DLGAP2: variants seen among roughly 807,000 people sequenced by gnomAD.
The protein encoded by DLGAP2 is disks large-associated protein 2.
A neutral mutation model predicts 100.3 loss-of-function variants in DLGAP2; 26 were observed. That is an observed-to-expected ratio of 0.26 (90% CI 0.19 to 0.36). The LOEUF (loss-of-function observed/expected upper bound fraction) is 0.36. Ranked by LOEUF, DLGAP2 falls within the 10% of genes least tolerant of loss-of-function variation. The pLI is 1.00. For missense variants in DLGAP2, 1,858 were observed against 1,453.2 expected (o/e 1.28, Z -4.53); for synonymous variants, 886 against 630.1 (o/e 1.41, Z -6.08).
intron 1 of DLGAP2, among the ~76,000 whole-genome samples, chr8:826,552 T>C (rs988661192): frequency 6.6e-6 from 1 of 152,166 alleles, no homozygotes; most frequent in African/African-American, 2.4e-5. Flanking sequence ...TTTTGGGTGC[T>C]GGGTATTTTG....
At chr8:955,962 C>A (rs1361045178) in intron 2 of DLGAP2, among the ~76,000 whole-genome samples, 2 of 152,076 alleles carry the variant, frequency 1.3e-5, no homozygotes, top group Admixed American at 6.6e-5. Flanking sequence ...TTGGCTTTAA[C>A]CTTTTGGGCC....
chr8:1,409,254 C>G (rs72507644), intron 3 of DLGAP2, among the ~76,000 whole-genome samples: 1 of 149,510 alleles, frequency 6.7e-6, no homozygotes, highest in Non-Finnish European at 1.5e-5. Flanking sequence ...GCAGCCCTGG[C>G]CCTGAGCACA....
intron 2 of DLGAP2, among the ~76,000 whole-genome samples, chr8:949,611 C>G (rs554158139): frequency 3.0e-4 from 46 of 152,362 alleles, no homozygotes; most frequent in African/African-American, 8.2e-4. Context: ...GGCCTCCCCG[C>G]TGCAGCTTCC....
At chr8:1,302,207 CTG>C (rs1239596734) in intron 3 of DLGAP2, 1 of 150,472 alleles carries the variant, frequency 6.6e-6, no homozygotes, top group Non-Finnish European at 1.5e-5. Context: ...TCGGAATTTT[CTG>C]TGAGTTCCCG....
chr8:1,083,032 C>G (rs910472695), intron 2 of DLGAP2, among the ~76,000 whole-genome samples: 1 of 152,110 alleles, frequency 6.6e-6, no homozygotes, highest in African/African-American at 2.4e-5. Flanking sequence ...CAGTTAATTA[C>G]TTAGTTATAA....
chr8:809,969 G>A (rs928671078), intron 1 of DLGAP2, among the ~76,000 whole-genome samples: 2 of 152,174 alleles, frequency 1.3e-5, no homozygotes, highest in East Asian at 3.9e-4. Flanking sequence ...CCTGGACTGC[G>A]GTCAAGGCCC....
chr8:1,023,857 A>ATATGTGTGTGTGTGTG (rs772678610), intron 2 of DLGAP2, among the ~76,000 whole-genome samples: 1 of 128,836 alleles, frequency 7.8e-6, no homozygotes, highest in Non-Finnish European at 1.6e-5. Flanking sequence ...AACTTTATAT[A>ATATGTGTGTGTGTGTG]TGTGTGTGTG....
At chr8:1,551,355 G>A (rs1488892209) in intron 5 of DLGAP2, among the ~76,000 whole-genome samples, 2 of 152,092 alleles carry the variant, frequency 1.3e-5, no homozygotes, top group African/African-American at 4.8e-5. Context: ...TGCCTGGTGT[G>A]GATAGTCAGT....
chr8:1,345,813 A>C (rs897513905), intron 3 of DLGAP2, among the ~76,000 whole-genome samples: 1 of 152,318 alleles, frequency 6.6e-6, no homozygotes, highest in Non-Finnish European at 1.5e-5. Context: ...CACCTACCTC[A>C]GCATTGTTGT....
chr8:876,067 G>A (rs1024252960), intron 1 of DLGAP2, among the ~76,000 whole-genome samples: 13 of 152,230 alleles, frequency 8.5e-5, no homozygotes, highest in Admixed American at 4.6e-4. Context: ...TCTTCGTGCT[G>A]TTATTGACAA....
intron 1 of DLGAP2, among the ~76,000 whole-genome samples, chr8:838,487 T>A (rs1386253696): frequency 6.6e-6 from 1 of 152,064 alleles, no homozygotes; most frequent in Non-Finnish European, 1.5e-5. Flanking sequence ...TACTGTACAT[T>A]GATAATATAT....
chr8:1,224,670 A>G (rs980459867), intron 2 of DLGAP2, among the ~76,000 whole-genome samples: 1 of 152,250 alleles, frequency 6.6e-6, no homozygotes, highest in African/African-American at 2.4e-5. Flanking sequence ...GAAAAGAGAG[A>G]TTACTACTAA....
At chr8:1,645,311 C>T (rs1798015586) in intron 8 of DLGAP2, among the ~76,000 whole-genome samples, 1 of 152,188 alleles carries the variant, frequency 6.6e-6, no homozygotes, top group African/African-American at 2.4e-5. Context: ...GTACAGTGTT[C>T]CATGAATTCG....
chr8:1,323,402 G>A (rs774443585), intron 3 of DLGAP2, among the ~76,000 whole-genome samples: 8 of 152,186 alleles, frequency 5.3e-5, no homozygotes, highest in African/African-American at 1.4e-4. Context: ...TGGTTAAACC[G>A]CTTCTGGCTT....
intron 3 of DLGAP2, among the ~76,000 whole-genome samples, chr8:1,281,331 C>T (rs905259349): frequency 3.3e-5 from 5 of 152,280 alleles, no homozygotes; most frequent in South Asian, 2.1e-4. Flanking sequence ...CCCTCGCTCC[C>T]GGCGAAGGCA....
At chr8:1,192,180 G>A (rs1316601531) in intron 2 of DLGAP2, among the ~76,000 whole-genome samples, 3 of 152,170 alleles carry the variant, frequency 2.0e-5, no homozygotes, top group Non-Finnish European at 4.4e-5. Flanking sequence ...GGGTGGGGCT[G>A]TCCAGATGCT....
At chr8:1,017,406 T>A (rs533923209) in intron 2 of DLGAP2, among the ~76,000 whole-genome samples, 2 of 29,220 alleles carry the variant, frequency 6.8e-5, no homozygotes, top group Admixed American at 6.5e-4. Context: ...ACTGTGTGTG[T>A]GACCAGGACA....
intron 2 of DLGAP2, among the ~76,000 whole-genome samples, chr8:959,067 T>C (rs1042104689): frequency 6.6e-6 from 1 of 152,218 alleles, no homozygotes; most frequent in Non-Finnish European, 1.5e-5. Context: ...TAATTTTAAT[T>C]ATGGCTATGT....
intron 1 of DLGAP2, among the ~76,000 whole-genome samples, chr8:900,314 C>G (rs1584874419): frequency 1.4e-5 from 2 of 144,314 alleles, no homozygotes; most frequent in Non-Finnish European, 1.5e-5. Flanking sequence ...TGGGCGCCCT[C>G]CTCTTCACGG....
Sources: allele counts gnomAD v4.1 joint callset (sites outside exome capture counted in the v4.1 genomes callset), GRCh38; gene constraint gnomAD v4.1.1; transcripts MANE v1.5; gene names NCBI Gene and HGNC (gene_info 2026-07-23, HGNC 2026-07-21).